Variants in KCNH8 observed in about 807,000 individuals in gnomAD.
KCNH8 encodes the protein potassium voltage-gated channel subfamily H member 8, also known as voltage-gated delayed rectifier potassium channel KCNH8.
In KCNH8, 70 loss-of-function variants were observed where a neutral mutation model predicts 103.6. The observed-to-expected ratio is 0.68, with a 90% CI of 0.56 to 0.82. The LOEUF is 0.82. KCNH8 is among the 40% of genes least tolerant of loss of function. KCNH8 has a pLI of 0.00. For missense variants in KCNH8, 1,217 were observed against 1,329.9 expected, an observed-to-expected ratio of 0.92 and a Z score of 1.32; for synonymous variants, 498 against 489.4, an observed-to-expected ratio of 1.02 and a Z score of -0.23.
intron 2 of KCNH8, among the ~76,000 whole-genome samples, chr3:19,264,259 G>A (rs372946089): frequency 2.6e-5 from 4 of 152,206 alleles, no homozygotes; most frequent in Non-Finnish European, 4.4e-5. Context: ...GAGAAAGTAC[G>A]TGCACTGAAG....
rs751736015 is a variant in KCNH8, at chr3:19,160,768, T to A, written c.76+11973T>A. Among the ~76,000 whole-genome samples, 113 of 152,114 alleles carry A rather than the reference T, an allele frequency of 7.4e-4. 6 individuals carry two copies. Among genetic ancestry groups the A allele is most frequent in the Non-Finnish European group, 1.3e-4 (9 of 68,004 alleles). On this transcript the variant is annotated intron_variant, in intron 1 of 15. Transcript: ENST00000328405. The stretch of plus-strand genomic sequence containing the variant: ...TCCATCCCACCCAGGATGTGAACTA[T>A]CTCTTTATTCAGAGTATCCATGCTG...
At chr3:19,234,921 T>C (rs1411627742) in intron 1 of KCNH8, among the ~76,000 whole-genome samples, 1 of 152,240 alleles carries the variant, frequency 6.6e-6, no homozygotes, top group African/African-American at 2.4e-5. Flanking sequence ...CCTGAACTTC[T>C]GGGATAGGCT....
intron 11 of KCNH8, among the ~76,000 whole-genome samples, chr3:19,480,731 G>T (rs2068071005): frequency 6.6e-6 from 1 of 152,016 alleles, no homozygotes; most frequent in Admixed American, 6.6e-5. Context: ...TCTCTCCACA[G>T]TTTGAGAAAA....
intron 7 of KCNH8, among the ~76,000 whole-genome samples, chr3:19,397,618 A>G (rs1049082015): frequency 4.0e-5 from 6 of 151,424 alleles, no homozygotes; most frequent in Non-Finnish European, 8.8e-5. Flanking sequence ...ATCAGAGGAT[A>G]TATTAGAAAG....
intron 1 of KCNH8, among the ~76,000 whole-genome samples, chr3:19,251,495 CA>C (rs1015098709): frequency 1.1e-4 from 16 of 151,954 alleles, no homozygotes; most frequent in Admixed American, 1.0e-3. Flanking sequence ...CTGATTGGAG[CA>C]AAGCTGAGTA....
chr3:19,492,563 T>G (rs1400168947), intron 11 of KCNH8, among the ~76,000 whole-genome samples: 1 of 152,190 alleles, frequency 6.6e-6, no homozygotes, highest in Non-Finnish European at 1.5e-5. Context: ...CCATGCTGTT[T>G]GGTCATTATA....
rs376672299 is a variant in KCNH8 at position 19,240,626 on chromosome 3, A to G, written c.77-13028A>G. ...AAACTCTGTCTAAAAAAAAAAAAAA[A>G]ACAAAAAAAACTTCGGAATCTATTC... On this transcript the variant is annotated intron_variant, in intron 1 of 15. Transcript: ENST00000328405. Among the ~76,000 whole-genome samples, 46 of 151,986 alleles carry G rather than the reference A, an allele frequency of 3.0e-4. No homozygotes were observed. In the South Asian group the frequency reaches 8.7e-3, roughly 29 times the overall value.
At chr3:19,169,617 G>C (rs1309217735) in intron 1 of KCNH8, among the ~76,000 whole-genome samples, 3 of 152,158 alleles carry the variant, frequency 2.0e-5, no homozygotes, top group South Asian at 2.1e-4. Flanking sequence ...ACTGGTTTTT[G>C]TTGACCGCAT....
intron 5 of KCNH8, among the ~76,000 whole-genome samples, chr3:19,370,679 T>C (rs1425582099): frequency 6.6e-6 from 1 of 152,154 alleles, no homozygotes; most frequent in African/African-American, 2.4e-5. Context: ...TACATATGTA[T>C]ACATGTGCCA....
chr3:19,384,090 T>C (rs937190582), intron 5 of KCNH8, among the ~76,000 whole-genome samples: 4 of 152,318 alleles, frequency 2.6e-5, no homozygotes, highest in Admixed American at 2.6e-4. Flanking sequence ...GGTAAACTTA[T>C]ATAATAAAAT....
chr3:19,502,532 G>C (rs1488624157), intron 11 of KCNH8, among the ~76,000 whole-genome samples: 1 of 152,132 alleles, frequency 6.6e-6, no homozygotes, highest in East Asian at 1.9e-4. Context: ...ATACTACAAG[G>C]CTACAGTAAC....
intron 11 of KCNH8, among the ~76,000 whole-genome samples, chr3:19,482,815 T>C (rs544511304): frequency 6.6e-6 from 1 of 152,222 alleles, no homozygotes; most frequent in Non-Finnish European, 1.5e-5. Flanking sequence ...TGCTAGCAAG[T>C]AGTAGAGAGC....
At chr3:19,467,463 T>C (rs1275900418) in intron 11 of KCNH8, among the ~76,000 whole-genome samples, 1 of 152,182 alleles carries the variant, frequency 6.6e-6, no homozygotes, top group Non-Finnish European at 1.5e-5. Context: ...TCTTTGACAG[T>C]CATGCAACTT....
chr3:19,283,978 T>A (rs200489242), intron 3 of KCNH8, among the ~76,000 whole-genome samples: 1 of 148,096 alleles, frequency 6.8e-6, no homozygotes, highest in Non-Finnish European at 1.5e-5. Flanking sequence ...GAAAAAAAAA[T>A]ATTTTTACCT....
At chr3:19,232,406 T>G (rs1239444006) in intron 1 of KCNH8, among the ~76,000 whole-genome samples, 1 of 152,208 alleles carries the variant, frequency 6.6e-6, no homozygotes, top group Non-Finnish European at 1.5e-5. Flanking sequence ...AAGGATCCAA[T>G]ACAATAAAGG....
intron 2 of KCNH8, among the ~76,000 whole-genome samples, chr3:19,275,617 A>G (rs2064658502): frequency 6.6e-6 from 1 of 152,126 alleles, no homozygotes; most frequent in African/African-American, 2.4e-5. Context: ...CATGTTTTCT[A>G]AAGAACCATT....
At chr3:19,290,665 AT>A in intron 3 of KCNH8, among the ~76,000 whole-genome samples, 1 of 151,976 alleles carries the variant, frequency 6.6e-6, no homozygotes, top group Non-Finnish European at 1.5e-5. Flanking sequence ...TTTATTGAGG[AT>A]TTTTGCATCA....
intron 3 of KCNH8, among the ~76,000 whole-genome samples, chr3:19,296,923 T>A (rs1194472075): frequency 6.6e-6 from 1 of 151,944 alleles, no homozygotes; most frequent in Non-Finnish European, 1.5e-5. Flanking sequence ...AGAAAAGTAG[T>A]GAGTCTATTT....
At chr3:19,519,111 GA>G (rs1341015939) in intron 15 of KCNH8, among the ~76,000 whole-genome samples, 1 of 151,936 alleles carries the variant, frequency 6.6e-6, no homozygotes, top group East Asian at 1.9e-4. Context: ...AAGGAGCAAG[GA>G]AAAGTGGAGT....
Sources: gnomAD v4.1 joint callset for allele counts (sites outside exome capture counted in the v4.1 genomes callset) on GRCh38, gnomAD v4.1.1 for gene constraint, MANE v1.5 for transcripts, NCBI Gene and HGNC (gene_info 2026-07-23, HGNC 2026-07-21) for gene names.